DENND1B: variants seen among roughly 807,000 people sequenced by gnomAD.
DENND1B encodes DENN domain-containing protein 1B.
Under a neutral mutation model 90.1 loss-of-function variants are expected in DENND1B, and 59 were observed. The ratio of observed to expected loss-of-function variants is 0.65; its 90% CI spans 0.53 to 0.81. The LOEUF (loss-of-function observed/expected upper bound fraction) is 0.81, where lower values mean the gene tolerates loss of function less well. Among genes scored for constraint, DENND1B ranks in the 40% least tolerant of loss-of-function variants. DENND1B has a pLI of 0.00. For synonymous variants in DENND1B, 337 were observed against 324.6 expected, an observed-to-expected ratio of 1.04 and a Z score of -0.41; for missense variants, 862 against 912.6, an observed-to-expected ratio of 0.94 and a Z score of 0.71.
chr1:197,681,055 A>G (rs1008656060), intron 3 of DENND1B, among the ~76,000 whole-genome samples: 1 of 152,146 alleles, frequency 6.6e-6, no homozygotes, highest in African/African-American at 2.4e-5. Flanking sequence ...ATATTTAACA[A>G]GTGTTTACTA....
intron 10 of DENND1B, among the ~76,000 whole-genome samples, chr1:197,621,031 C>A (rs910029777): frequency 1.3e-5 from 2 of 151,094 alleles, no homozygotes; most frequent in South Asian, 4.2e-4. Flanking sequence ...GTAAATTAAA[C>A]GAGGCATTCA....
intron 20 of DENND1B, among the ~76,000 whole-genome samples, chr1:197,536,287 A>G (rs1669899522): frequency 6.6e-6 from 1 of 152,166 alleles, no homozygotes; most frequent in Non-Finnish European, 1.5e-5. Context: ...ATATTCCTGC[A>G]ATTAGATGTC....
At chr1:197,664,172 C>T (rs1654706672) in intron 5 of DENND1B, among the ~76,000 whole-genome samples, 1 of 151,786 alleles carries the variant, frequency 6.6e-6, no homozygotes, top group African/African-American at 2.4e-5. Context: ...AACTGATTAT[C>T]AATAAGGTAA....
upstream of DENND1B, among the ~76,000 whole-genome samples, chr1:197,778,034 A>G (rs1400316821): frequency 6.6e-6 from 1 of 152,064 alleles, no homozygotes; most frequent in African/African-American, 2.4e-5. Context: ...AGATTTTTCT[A>G]TTTCAGCCTA....
At chr1:197,652,074 A>G (rs1194504331) in intron 7 of DENND1B, among the ~76,000 whole-genome samples, 161 bp downstream of exon 7, 1 of 152,206 alleles carries the variant, frequency 6.6e-6, no homozygotes, top group Non-Finnish European at 1.5e-5. Context: ...ACAGCATGTT[A>G]AAAAGACACA....
intron 20 of DENND1B, among the ~76,000 whole-genome samples, chr1:197,538,607 C>G (rs575638318): frequency 6.9e-6 from 1 of 145,362 alleles, no homozygotes; most frequent in South Asian, 2.2e-4. Flanking sequence ...TACCTGGTAT[C>G]TAGAAAAGTG....
At chr1:197,743,106 A>G (rs1205912263) in intron 2 of DENND1B, among the ~76,000 whole-genome samples, 1 of 152,220 alleles carries the variant, frequency 6.6e-6, no homozygotes, top group Admixed American at 6.5e-5. Context: ...CAAGGGAAGT[A>G]ATCATTAACA....
intron 15 of DENND1B, among the ~76,000 whole-genome samples, chr1:197,567,876 A>T (rs1672813337): frequency 6.6e-6 from 1 of 152,310 alleles, no homozygotes; most frequent in African/African-American, 2.4e-5. Flanking sequence ...AAAAGCTAAG[A>T]TAAGGAACAA....
rs779994695 is a variant in DENND1B at position 197,524,464 on chromosome 1, G to C, written c.1516-11511C>G. ...TCACATACCATCCAAGCGGCACACT[G>C]TTCTGATCCTGATCTCTTATACTAC... is the stretch of plus-strand genomic sequence containing the variant. On this transcript the variant is annotated intron_variant, in intron 20 of 22. Coordinates refer to ENST00000620048, the MANE Select transcript of DENND1B (RefSeq NM_001195215.2). 8.5e-5 allele frequency among the ~76,000 whole-genome samples: 13 copies of C among 152,132 alleles called. 1 individual carries two copies. The highest frequency in any genetic ancestry group is 4.4e-5 in the Non-Finnish European group (3 of 68,008).
At position 197,505,044 on chromosome 1, in the gene DENND1B, G is replaced by A. The variant is rs565469422; in HGVS notation, c.*5416C>T. The A allele has an allele frequency of 4.0e-5, 6 of 151,798 alleles. No homozygotes were observed. In the East Asian group the frequency reaches 1.2e-3, roughly 30 times the overall value. 9.4% of individuals were successfully genotyped at this position (151,798 alleles called of 1,614,324 possible). The stretch of plus-strand genomic sequence containing the variant: ...AAATAGTTTTTCATCTAACGCAAGA[G>A]AAATAAACTTTGGAAAAGTTCAATT... On this transcript the variant is annotated 3_prime_UTR_variant, in exon 23 of 23. Coordinates refer to ENST00000620048, the MANE Select transcript of DENND1B (RefSeq NM_001195215.2).
chr1:197,735,047 AC>A (rs1662515335), intron 2 of DENND1B: 5 of 984,682 alleles, frequency 5.1e-6, no homozygotes, highest in Non-Finnish European at 6.0e-6. Flanking sequence ...GAAAAAGCGG[AC>A]AAAATTTTAA....
At chr1:197,587,911 GC>G (rs1674851842) in intron 14 of DENND1B, among the ~76,000 whole-genome samples, 2 of 152,068 alleles carry the variant, frequency 1.3e-5, no homozygotes, top group African/African-American at 4.8e-5. Context: ...AGATCATCAG[GC>G]ATTAGATTCT....
At chr1:197,550,114 A>G (rs1671105512) in intron 16 of DENND1B, among the ~76,000 whole-genome samples, 1 of 152,180 alleles carries the variant, frequency 6.6e-6, no homozygotes. Flanking sequence ...TTAAAGGAAC[A>G]CAATTTTTTC....
In DENND1B at chr1:197,506,575, A is replaced by T. The variant is rs1356883996; in HGVS notation, c.*3885T>A. ...TTCCTGAAAATCCACATTTTCTACA[A>T]GAGAATGAAGGTCTATTGATTATGA... On this transcript the variant is annotated 3_prime_UTR_variant, in exon 23 of 23. Coordinates refer to ENST00000620048, the MANE Select transcript of DENND1B (RefSeq NM_001195215.2). 1 of 151,520 alleles carries T rather than the reference A, an allele frequency of 6.6e-6. No individual in the cohort carries two copies. Among genetic ancestry groups the T allele is most frequent in the East Asian group, 1.9e-4 (1 of 5,154 alleles). 9.4% of individuals were successfully genotyped at this position (151,520 alleles called of 1,614,324 possible).
chr1:197,566,859 A>G (rs1191056488), intron 15 of DENND1B, among the ~76,000 whole-genome samples: 12 of 152,104 alleles, frequency 7.9e-5, no homozygotes, highest in Non-Finnish European at 1.6e-4. Flanking sequence ...GAATAGACTG[A>G]GTTGTGGAAT....
intron 13 of DENND1B, chr1:197,606,481 TGCA>T (rs1676694851): frequency 6.6e-6 from 1 of 151,238 alleles, no homozygotes; most frequent in Admixed American, 6.6e-5. Context: ...TTTTCATTCT[TGCA>T]GCCCTCAGCA....
At chr1:197,589,945 TCAAA>T (rs987698126) in intron 14 of DENND1B, among the ~76,000 whole-genome samples, 12 of 152,304 alleles carry the variant, frequency 7.9e-5, no homozygotes, top group Middle Eastern at 3.4e-3. Flanking sequence ...ATATTTTAAC[TCAAA>T]CAAACATTTC....
intron 14 of DENND1B, among the ~76,000 whole-genome samples, chr1:197,585,994 G>A (rs778425155): frequency 6.6e-5 from 10 of 152,114 alleles, no homozygotes; most frequent in South Asian, 2.1e-4. Flanking sequence ...TAAACATTTC[G>A]TGGCAAAATC....
chr1:197,693,904 G>A (rs941738481), intron 3 of DENND1B, among the ~76,000 whole-genome samples: 2 of 151,430 alleles, frequency 1.3e-5, no homozygotes, highest in Non-Finnish European at 3.0e-5. Flanking sequence ...ACAAAAGATC[G>A]GGTGGAGAAG....
Sources: allele counts gnomAD v4.1 joint callset (sites outside exome capture counted in the v4.1 genomes callset), GRCh38; gene constraint gnomAD v4.1.1; transcripts MANE v1.5; gene names NCBI Gene and HGNC (gene_info 2026-07-23, HGNC 2026-07-21).